The following STRN4 variants were observed in gnomAD, a reference collection of about 807,000 sequenced individuals.
STRN4 encodes the protein striatin-4.
Under a neutral mutation model 77.9 loss-of-function variants are expected in STRN4, and 27 were observed. The observed-to-expected ratio is 0.35, with a 90% CI of 0.26 to 0.48. The LOEUF (loss-of-function observed/expected upper bound fraction) is 0.48. Ranked by LOEUF, STRN4 falls within the 20% of genes least tolerant of loss-of-function variation. STRN4 has a pLI of 0.99. For missense variants in STRN4, 798 were observed against 1,049.7 expected (o/e 0.76, Z 3.31); for synonymous variants, 466 against 443.1 (o/e 1.05, Z -0.65).
intron 5 of STRN4, chr19:46,732,204 C>G (rs908182740): frequency 1.3e-5 from 2 of 152,650 alleles, no homozygotes; most frequent in South Asian, 4.1e-4. Context: ...TCCCAGACAT[C>G]GAGCCATCTC....
chr19:46,743,572 C>T lies in STRN4; in HGVS notation c.282+2577G>A, dbSNP rs148161508. On this transcript the variant is annotated intron_variant, in intron 1 of 17. Transcript: ENST00000263280. ...GCCTGAACCAATTTTCTCAACTGTA[C>T]TGGGTAGCAGAGAGGTACAGAACAT... is the stretch of plus-strand genomic sequence containing the variant. Among the ~76,000 whole-genome samples the T allele has an allele frequency of 3.8e-3, 574 of 152,268 alleles. 4 individuals carry two copies. The highest frequency in any genetic ancestry group is 0.013 in the African/African-American group (522 of 41,534).
At position 46,738,593 on chromosome 19, in the gene STRN4, C is replaced by T. The variant is rs570511648; in HGVS notation, c.386+192G>A. On this transcript the variant is annotated intron_variant, in intron 2 of 17. Coordinates refer to ENST00000263280, the MANE Select transcript of STRN4 (RefSeq NM_013403.3). The surrounding 1 kb of genome is among the most constrained non-coding windows in gnomAD (Gnocchi z 4.5). Reference sequence around the variant, plus strand: ...AGTGGGCCACTAGCATCGTGAATATCGTTCCTGGTGTCTAACCCAAATCCC... The same window carrying T: ...AGTGGGCCACTAGCATCGTGAATATTGTTCCTGGTGTCTAACCCAAATCCC... 1.3e-5 allele frequency among the ~76,000 whole-genome samples: 2 copies of T among 152,308 alleles called. No individual in the cohort carries two copies. Among genetic ancestry groups the T allele is most frequent in the Middle Eastern group, 3.4e-3 (1 of 294 alleles).
At chr19:46,744,973 GC>G (rs2054549925) in intron 1 of STRN4, among the ~76,000 whole-genome samples, 1 of 151,954 alleles carries the variant, frequency 6.6e-6, no homozygotes, top group Non-Finnish European at 1.5e-5. Context: ...CCTGTCCCAA[GC>G]TACCCCAAAA....
At chr19:46,727,763 T>C in intron 8 of STRN4, 131 bp downstream of exon 8, 1 of 882,598 alleles carries the variant, frequency 1.1e-6, no homozygotes, top group East Asian at 2.6e-5. Flanking sequence ...CAGACGAACT[T>C]TTGGGGCAGG....
intron 4 of STRN4, among the ~76,000 whole-genome samples, chr19:46,735,713 C>A (rs1237467906): frequency 6.6e-6 from 1 of 152,236 alleles, no homozygotes; most frequent in Middle Eastern, 3.4e-3. Context: ...ACCTATAATC[C>A]CAGCACTTTG....
At position 46,730,879 on chromosome 19, in the gene STRN4, A is replaced by G; in HGVS notation, c.738-6T>C. On this transcript the variant is annotated splice_region_variant and splice_polypyrimidine_tract_variant and intron_variant, in intron 5 of 17. Coordinates refer to ENST00000263280, the MANE Select transcript of STRN4 (RefSeq NM_013403.3). ...CATCTTTGCCTGCCGCGTTCCTGCC[A>G]AAGACAGCAGAGCAGAGGAGGCATG... 1 of 1,610,048 alleles carries G rather than the reference A, an allele frequency of 6.2e-7. No individual in the cohort carries two copies. The highest frequency in any genetic ancestry group is 8.5e-7 in the Non-Finnish European group (1 of 1,179,950).
intron 5 of STRN4, 27 bp from the exon 6 acceptor site, chr19:46,730,900 G>T (rs755542285): frequency 2.1e-5 from 34 of 1,606,978 alleles, no homozygotes; most frequent in Admixed American, 8.3e-5. Context: ...AGCAGAGGAG[G>T]CATGAGTCCT....
rs1159742858 is a variant in STRN4, at chr19:46,719,603, G to A, written c.*802C>T. On this transcript the variant is annotated 3_prime_UTR_variant, in exon 18 of 18. Coordinates refer to ENST00000263280, the MANE Select transcript of STRN4 (RefSeq NM_013403.3). ...AAACAGGAACCTGGAAGGGGACCGA[G>A]GGTGCAGGGTAGAACCAAACAAGAG... 1 of 152,706 alleles carries A rather than the reference G, an allele frequency of 6.5e-6. No individual in the cohort carries two copies. Among genetic ancestry groups the A allele is most frequent in the African/African-American group, 2.4e-5 (1 of 41,448 alleles). The allele number at this position is 152,706 out of a possible 1,614,324, so 9.5% of individuals were successfully genotyped here.
chr19:46,734,344 T>C (rs1172410347), intron 4 of STRN4, among the ~76,000 whole-genome samples: 2 of 152,230 alleles, frequency 1.3e-5, no homozygotes, highest in Non-Finnish European at 2.9e-5. Flanking sequence ...TTGGTAAGTG[T>C]AGCCTGTTAG....
chr19:46,739,508 T>G (rs1385161193), intron 1 of STRN4: 1 of 156,726 alleles, frequency 6.4e-6, no homozygotes, highest in East Asian at 1.9e-4. Context: ...TGCCAAGCAC[T>G]TCACACCGTC....
rs747281084 is a variant in STRN4, at chr19:46,724,895, G to A, written c.1506C>T (p.Asn502=). The change falls in exon 12 of 18, where the codon AAC becomes AAT. Residue 502 remains asparagine (N), a synonymous_variant. Transcript: ENST00000263280. ...GPVLAVAMGS[N]SEYCYSGGAD... ...CCCCGCCACTGTAGCAGTATTCACTGTTGCTGCCCATAGCCACAGCCAACA... is the reference window on the plus strand; with the variant it reads ...CCCCGCCACTGTAGCAGTATTCACTATTGCTGCCCATAGCCACAGCCAACA... 1.2e-6 allele frequency: 2 copies of A among 1,614,116 alleles called. No homozygotes were observed. The highest frequency in any genetic ancestry group is 1.7e-6 in the Non-Finnish European group (2 of 1,180,050).
chr19:46,721,054 G>A (rs1310926589), intron 16 of STRN4: 5 of 348,278 alleles, frequency 1.4e-5, no homozygotes, highest in Non-Finnish European at 1.6e-5. Flanking sequence ...TCCCTGCCCC[G>A]CAGCACTGAC....
At chr19:46,721,875 C>T in intron 16 of STRN4, 111 bp downstream of exon 16, 2 of 1,173,140 alleles carry the variant, frequency 1.7e-6, no homozygotes, top group Non-Finnish European at 1.2e-6. Flanking sequence ...CCCAGACCAG[C>T]CTCCCCCAGC....
In STRN4 at chr19:46,723,401, C is replaced by T. The variant is rs1165070649; in HGVS notation, c.1595-117G>A. On this transcript the variant is annotated intron_variant, in intron 12 of 17. Coordinates refer to ENST00000263280, the MANE Select transcript of STRN4 (RefSeq NM_013403.3). This position sits in a 1 kb window ranked among gnomAD's most constrained non-coding sequence, Gnocchi z 5.5. ...AGCTGGGCTCCAATCACCCACGCAC[C>T]CACTTCACACCTGGTGCCCCTCGGA... 3 of 1,270,290 alleles carry T rather than the reference C, an allele frequency of 2.4e-6. No individual in the cohort carries two copies. Among genetic ancestry groups the T allele is most frequent in the Non-Finnish European group, 3.2e-6 (3 of 943,812 alleles). The allele number at this position is 1,270,290 out of a possible 1,614,324, so 78.7% of individuals were successfully genotyped here. A position where few individuals can be genotyped will look rare whatever the true frequency, so the allele number is the denominator to read the frequency against.
rs761317114 is a variant in STRN4, at chr19:46,722,059, G to A, written c.2019C>T (p.His673=). The A allele has an allele frequency of 3.7e-6, 6 of 1,612,996 alleles. No individual in the cohort carries two copies. The Admixed American group carries it at 6.7e-5, about 18-fold the overall frequency. ...FLDNRTGKPV[H]SMVAHLDAVT... is the part of the protein sequence containing the mutation. ...CTGCGTCCAGGTGTGCAACCATGGA[G>A]TGCACCGGCTTACCTGAGGCGAGAA... Residue 673 remains histidine, a synonymous_variant, in exon 16 of 18, where the codon CAC becomes CAT. Transcript: ENST00000263280.
rs1240117575 is a variant in STRN4 at position 46,728,758 on chromosome 19, A to T, written c.899T>A (p.Val300Glu). The T allele has an allele frequency of 6.2e-7, 1 of 1,614,138 alleles. No homozygotes were observed. The highest frequency in any genetic ancestry group is 1.1e-5 in the South Asian group (1 of 91,082). ...QRVKLPSKAL[V>E]PEMEDEDEED... ...CTCATCCTCGTCTTCCATTTCGGGC[A>T]CCAGAGCCTTGGATGGGAGCTGGCA... is the stretch of plus-strand genomic sequence containing the variant. The change falls in exon 7 of 18, where the codon GTG (valine) becomes GAG (glutamate). Residue 300 changes from valine to glutamate, a missense_variant. By Grantham distance (121) the Val-to-Glu change is moderately radical (BLOSUM62 -2). Coordinates refer to ENST00000263280, the MANE Select transcript of STRN4 (RefSeq NM_013403.3).
Position 46,738,877 on chromosome 19 carries a change from G to A in STRN4, c.294C>T (p.Ala98=), listed in dbSNP as rs538013456. The A allele has an allele frequency of 6.2e-6, 10 of 1,613,978 alleles. No homozygotes were observed. The South Asian group carries it at 1.1e-4, about 18-fold the overall frequency. Residue 98 remains alanine (A), a synonymous_variant, in exon 2 of 18, where the codon GCC becomes GCT. Coordinates refer to ENST00000263280, the MANE Select transcript of STRN4 (RefSeq NM_013403.3). This position sits in a 1 kb window ranked among gnomAD's most constrained non-coding sequence, Gnocchi z 4.5. Reference sequence around the variant, plus strand: ...GCCCTTTCCTCTCTCCCTGAAGGAAGGCCACCTGAGCCTGGGAGGGCAGAC... The same window carrying A: ...GCCCTTTCCTCTCTCCCTGAAGGAAAGCCACCTGAGCCTGGGAGGGCAGAC... ...AERAELQAQV[A]FLQGERKGQE... is the part of the protein sequence containing the mutation.
chr19:46,737,131 G>A (rs565479822), intron 3 of STRN4, among the ~76,000 whole-genome samples: 8 of 152,216 alleles, frequency 5.3e-5, no homozygotes, highest in Non-Finnish European at 1.0e-4. Flanking sequence ...ACTGGCCCCC[G>A]ACAAGATAAG....
chr19:46,728,030 C>CG (rs1599870356), intron 7 of STRN4, 23 bp from the exon 8 acceptor site: 3 of 1,606,784 alleles, frequency 1.9e-6, no homozygotes, highest in Non-Finnish European at 2.6e-6. Context: ...GGCATAGGGC[C>CG]GGAGTCACCC....
Sources: allele counts gnomAD v4.1 joint callset (sites outside exome capture counted in the v4.1 genomes callset), GRCh38; gene constraint gnomAD v4.1.1; non-coding constraint Gnocchi (gnomAD v3.1); transcripts MANE v1.5; gene names NCBI Gene and HGNC (gene_info 2026-07-23, HGNC 2026-07-21).